The following ANKRD17 variants were observed in gnomAD, a reference collection of about 807,000 sequenced individuals.
ANKRD17 encodes ankyrin repeat domain-containing protein 17.
Under a neutral mutation model 229.7 loss-of-function variants are expected in ANKRD17, and 19 were observed. The observed-to-expected ratio is 0.08, with a 90% CI of 0.06 to 0.12. The LOEUF (loss-of-function observed/expected upper bound fraction) is 0.12. Ranked by LOEUF, ANKRD17 falls within the 10% of genes least tolerant of loss-of-function variation. The probability of loss-of-function intolerance (pLI) is 1.00; values close to 1 mark genes in which losing one functional copy is unlikely to be tolerated. For missense variants in ANKRD17, 2,176 were observed against 3,176.8 expected, an observed-to-expected ratio of 0.68 and a Z score of 7.57; for synonymous variants, 1,112 against 1,146.1, an observed-to-expected ratio of 0.97 and a Z score of 0.60.
At chr4:73,105,794 G>GA (rs1216052867) in intron 24 of ANKRD17, among the ~76,000 whole-genome samples, 1 of 152,126 alleles carries the variant, frequency 6.6e-6, no homozygotes, top group Non-Finnish European at 1.5e-5. Flanking sequence ...CTAAATTTGA[G>GA]AAAAAGTTCC....
At chr4:73,123,657 C>A (rs1273744842) in intron 18 of ANKRD17, among the ~76,000 whole-genome samples, 2 of 151,996 alleles carry the variant, frequency 1.3e-5, no homozygotes, top group Non-Finnish European at 2.9e-5. Flanking sequence ...ACCCTTACTG[C>A]ACTTACATAA....
intron 1 of ANKRD17, among the ~76,000 whole-genome samples, chr4:73,188,382 C>T (rs947799464): frequency 4.6e-5 from 7 of 151,988 alleles, no homozygotes; most frequent in East Asian, 3.9e-4. Flanking sequence ...GTCAGGGGTT[C>T]GAGACCAGCC....
At chr4:73,185,638 A>G (rs994226627) in intron 1 of ANKRD17, among the ~76,000 whole-genome samples, 7 of 152,098 alleles carry the variant, frequency 4.6e-5, no homozygotes, top group African/African-American at 1.7e-4. Context: ...CATTTCAGTA[A>G]CATAAAATGG....
chr4:73,160,396 C>T (rs934136225), intron 3 of ANKRD17, among the ~76,000 whole-genome samples: 15 of 151,846 alleles, frequency 9.9e-5, no homozygotes, highest in Non-Finnish European at 1.5e-4. Flanking sequence ...TTTTTGTGTT[C>T]TTAGTAGAGA....
At chr4:73,223,059 C>G (rs908008782) in intron 1 of ANKRD17, 2 of 1,535,594 alleles carry the variant, frequency 1.3e-6, no homozygotes. Flanking sequence ...TCTTACTGCA[C>G]TATGATTAGA....
chr4:73,214,586 G>GTACTAGT (rs1470481873), intron 1 of ANKRD17, among the ~76,000 whole-genome samples: 1 of 151,712 alleles, frequency 6.6e-6, no homozygotes, highest in Non-Finnish European at 1.5e-5. Context: ...ATACCAATCT[G>GTACTAGT]TACTAGTTAG....
At chr4:73,235,845 C>T (rs1044436393) in intron 1 of ANKRD17, among the ~76,000 whole-genome samples, 5 of 151,670 alleles carry the variant, frequency 3.3e-5, no homozygotes, top group East Asian at 3.9e-4. Flanking sequence ...AGGGAAGGTT[C>T]GTAATGATTT....
intron 7 of ANKRD17, among the ~76,000 whole-genome samples, chr4:73,149,514 G>C (rs1730721163): frequency 6.6e-6 from 1 of 152,140 alleles, no homozygotes; most frequent in African/African-American, 2.4e-5. Flanking sequence ...TGCTGTGTTA[G>C]GGGAACACAA....
chr4:73,102,673 A>T, intron 24 of ANKRD17, 126 bp from the exon 25 acceptor site: 1 of 1,094,924 alleles, frequency 9.1e-7, no homozygotes. Context: ...AGTTCAATTC[A>T]TTGTTTTATC....
chr4:73,203,539 C>A (rs1578379149), intron 1 of ANKRD17, among the ~76,000 whole-genome samples: 1 of 151,956 alleles, frequency 6.6e-6, no homozygotes, highest in Admixed American at 6.6e-5. Context: ...GGGCGGATCA[C>A]GAGGTCAGGA....
At chr4:73,158,724 T>C (rs1053910410) in intron 3 of ANKRD17, among the ~76,000 whole-genome samples, 1 of 152,238 alleles carries the variant, frequency 6.6e-6, no homozygotes. Flanking sequence ...CATTCATGAA[T>C]TAATGGATTA....
intron 7 of ANKRD17, 74 bp from the exon 8 acceptor site, chr4:73,149,124 T>G: frequency 8.2e-7 from 1 of 1,213,354 alleles, no homozygotes; most frequent in Non-Finnish European, 1.2e-6. Flanking sequence ...GACTTCTCAA[T>G]TACTATACAA....
chr4:73,215,875 C>G (rs914151531), intron 1 of ANKRD17, among the ~76,000 whole-genome samples: 1 of 152,118 alleles, frequency 6.6e-6, no homozygotes, highest in African/African-American at 2.4e-5. Flanking sequence ...TTAGAGACTT[C>G]GACCAAATAA....
Position 73,085,192 on chromosome 4 carries a change from G to A in ANKRD17, c.7159+57C>T, listed in dbSNP as rs115181919. 18 of 1,534,626 alleles carry A rather than the reference G, an allele frequency of 1.2e-5. 1 individual carries two copies. In the South Asian group the frequency reaches 1.8e-4, roughly 16 times the overall value. ...AAAATTATGATGAGGTTTGAAACCT[G>A]CTGTTTTTAAGAAAACATATGCAGA... On this transcript the variant is annotated intron_variant, in intron 30 of 33. Transcript: ENST00000358602.
intron 19 of ANKRD17, 172 bp downstream of exon 19, chr4:73,121,445 A>G (rs1578113205): frequency 9.6e-6 from 7 of 732,204 alleles, no homozygotes; most frequent in Admixed American, 2.7e-5. Flanking sequence ...TTCAAACTCT[A>G]TATCAAGTTT....
Position 73,077,549 on chromosome 4 carries a change from G to C in ANKRD17, c.7409-16C>G. The C allele has an allele frequency of 6.5e-7, 1 of 1,534,622 alleles. No homozygotes were observed. The highest frequency in any genetic ancestry group is 8.8e-7 in the Non-Finnish European group (1 of 1,142,366). On this transcript the variant is annotated splice_polypyrimidine_tract_variant and intron_variant, in intron 31 of 33. Transcript: ENST00000358602. ...TCTACTTTGTCTGAGGGCAAACAAA[G>C]AGGCAAAACAAAAATAGATAATATT...
chr4:73,195,710 T>C (rs1227886968), intron 1 of ANKRD17, among the ~76,000 whole-genome samples: 2 of 152,176 alleles, frequency 1.3e-5, no homozygotes, highest in Non-Finnish European at 2.9e-5. Flanking sequence ...GGTTTCACCA[T>C]GTTGGCCAGG....
Position 73,099,217 on chromosome 4 carries a change from C to T in ANKRD17, c.4574-697G>A, listed in dbSNP as rs1039659629. ...GACTGGACAGCTTTTGCTCCGCTCC[C>T]ACCGCCCCCGCCCCTTTCCCAGGCT... On this transcript the variant is annotated intron_variant, in intron 25 of 33. Coordinates refer to ENST00000358602, the MANE Select transcript of ANKRD17 (RefSeq NM_032217.5). 20 of 602,698 alleles carry T rather than the reference C, an allele frequency of 3.3e-5. No individual in the cohort carries two copies. In the African/African-American group the frequency reaches 3.5e-4, roughly 11 times the overall value. The allele number at this position is 602,698 out of a possible 1,614,324, so 37.3% of individuals were successfully genotyped here.
At chr4:73,118,076 G>A (rs1255820020) in intron 22 of ANKRD17, among the ~76,000 whole-genome samples, 1 of 152,044 alleles carries the variant, frequency 6.6e-6, no homozygotes, top group Admixed American at 6.6e-5. Flanking sequence ...GAGTGCGGTG[G>A]TGCAATCTCA....
Sources: allele counts gnomAD v4.1 joint callset (sites outside exome capture counted in the v4.1 genomes callset), GRCh38; gene constraint gnomAD v4.1.1; transcripts MANE v1.5; gene names NCBI Gene and HGNC (gene_info 2026-07-23, HGNC 2026-07-21).